Variants in KYAT1 observed in about 807,000 individuals in gnomAD.
KYAT1 encodes the protein kynurenine aminotransferase 1, also known as kynurenine--oxoglutarate transaminase 1.
In KYAT1, 47 loss-of-function variants were observed where a neutral mutation model predicts 52.4. That is an observed-to-expected ratio of 0.90 (90% confidence interval 0.71 to 1.14). The LOEUF (loss-of-function observed/expected upper bound fraction) is 1.14. Among genes scored for constraint, KYAT1 ranks in the 50% most tolerant of loss-of-function variants. The pLI, the probability that KYAT1 is intolerant of heterozygous loss-of-function variation, is 0.00. For missense variants in KYAT1, 480 were observed against 557.9 expected, an observed-to-expected ratio of 0.86 and a Z score of 1.41; for synonymous variants, 212 against 209.6, an observed-to-expected ratio of 1.01 and a Z score of -0.10.
At chr9:128,847,325 G>C in intron 1 of KYAT1, 1 of 687,884 alleles carries the variant, frequency 1.5e-6, no homozygotes, top group Non-Finnish European at 2.4e-6. Flanking sequence ...AGTTAAAGAG[G>C]GCTCCCTGAA....
Position 128,847,644 on chromosome 9 carries a change from CTAACAA to C in KYAT1, c.-6-2239_-6-2234del, listed in dbSNP as rs1173428539. 1.5e-4 allele frequency: 87 copies of C among 577,510 alleles called. No homozygotes were observed. The East Asian group carries it at 2.1e-3, about 14-fold the overall frequency. 35.8% of individuals were successfully genotyped at this position (577,510 alleles called of 1,614,324 possible). A position where few individuals can be genotyped will look rare whatever the true frequency, so the allele number is the denominator to read the frequency against. On this transcript the variant is annotated intron_variant, in intron 1 of 12. Coordinates refer to ENST00000302586, the MANE Select transcript of KYAT1 (RefSeq NM_004059.5). ...GGACTTGGGTCCCCCACACACAGCT[CTAACAA>C]TAACAACAACAACAACAACAACAAC...
At chr9:128,834,855 G>T (rs1367167752) in intron 11 of KYAT1, among the ~76,000 whole-genome samples, 1 of 80,600 alleles carries the variant, frequency 1.2e-5, no homozygotes, top group Non-Finnish European at 2.3e-5. Context: ...AAAAAAAAAA[G>T]GCCAGGAGCA....
At chr9:128,881,725 C>T (rs1838946815) in intron 1 of KYAT1, among the ~76,000 whole-genome samples, 172 bp downstream of exon 1, 1 of 152,188 alleles carries the variant, frequency 6.6e-6, no homozygotes, top group South Asian at 2.1e-4. Context: ...GCGAGCAGCA[C>T]GCGCAGTTGA....
chr9:128,837,712 G>C lies in KYAT1; in HGVS notation c.540C>G (p.Leu180=). 6.2e-7 allele frequency: 1 copy of C among 1,614,164 alleles called. No individual in the cohort carries two copies. The highest frequency in any genetic ancestry group is 1.1e-5 in the South Asian group (1 of 91,082). ...KFTSRTKALV[L]NTPNNPLGKV... is the part of the protein sequence containing the mutation. The stretch of plus-strand genomic sequence containing the variant: ...TGCCCAGGGGGTTGTTGGGGGTGTT[G>C]AGGACCAGGGCTTTGGTGCGTGATG... Residue 180 remains leucine, a synonymous_variant, in exon 6 of 13, where the codon CTC becomes CTG. Coordinates refer to ENST00000302586, the MANE Select transcript of KYAT1 (RefSeq NM_004059.5).
Position 128,836,932 on chromosome 9 carries a change from C to A in KYAT1, c.568-10G>T. The A allele has an allele frequency of 6.2e-7, 1 of 1,609,588 alleles. No individual in the cohort carries two copies. Among genetic ancestry groups the A allele is most frequent in the South Asian group, 1.1e-5 (1 of 90,808 alleles). On this transcript the variant is annotated splice_polypyrimidine_tract_variant and intron_variant, in intron 6 of 12. Coordinates refer to ENST00000302586, the MANE Select transcript of KYAT1 (RefSeq NM_004059.5). Reference sequence around the variant, plus strand: ...CTTCCCTGGAGAACACCTGCAGATGCCCAAGGAGAGCACAGACCTGCAGCT... The same window carrying A: ...CTTCCCTGGAGAACACCTGCAGATGACCAAGGAGAGCACAGACCTGCAGCT...
At chr9:128,875,898 G>C (rs1038288200) in intron 1 of KYAT1, among the ~76,000 whole-genome samples, 1 of 152,104 alleles carries the variant, frequency 6.6e-6, no homozygotes, top group African/African-American at 2.4e-5. Context: ...ATGACCCCTG[G>C]GCCCGTGGAA....
At chr9:128,838,653 A>G (rs1831571460) in intron 3 of KYAT1, among the ~76,000 whole-genome samples, 1 of 152,182 alleles carries the variant, frequency 6.6e-6, no homozygotes, top group African/African-American at 2.4e-5. Flanking sequence ...CACAATCTAT[A>G]TGGTCCCAGA....
At chr9:128,870,383 G>A (rs902843675) in intron 1 of KYAT1, among the ~76,000 whole-genome samples, 2 of 152,220 alleles carry the variant, frequency 1.3e-5, no homozygotes, top group African/African-American at 4.8e-5. Flanking sequence ...CGACATGGCT[G>A]ATGACTATAA....
At chr9:128,863,832 A>C (rs1332846614) in intron 1 of KYAT1, among the ~76,000 whole-genome samples, 1 of 152,122 alleles carries the variant, frequency 6.6e-6, no homozygotes, top group Non-Finnish European at 1.5e-5. Context: ...GGAGGGGACT[A>C]CGCCTCACTT....
chr9:128,877,887 G>A (rs919788996), intron 1 of KYAT1, among the ~76,000 whole-genome samples: 2 of 152,152 alleles, frequency 1.3e-5, no homozygotes, highest in Non-Finnish European at 2.9e-5. Flanking sequence ...TCTAGAGAAA[G>A]GGTACAGAAC....
chr9:128,865,342 TATATATATATATATATA>T (rs1836165632), intron 1 of KYAT1, among the ~76,000 whole-genome samples: 12 of 6,378 alleles, frequency 1.9e-3, no homozygotes, highest in South Asian at 5.7e-3. Flanking sequence ...TATATATATA[TATATATATATATATATA>T]TTTTTTTTTT....
chr9:128,872,691 C>T (rs1333814187), intron 1 of KYAT1, among the ~76,000 whole-genome samples: 1 of 151,444 alleles, frequency 6.6e-6, no homozygotes. Context: ...AGCTTGAACT[C>T]GGGAGGCGGA....
At chr9:128,843,702 T>G (rs2119129527) in intron 2 of KYAT1, among the ~76,000 whole-genome samples, 1 of 152,274 alleles carries the variant, frequency 6.6e-6, no homozygotes, top group South Asian at 2.1e-4. Flanking sequence ...CTTTGCATCA[T>G]CAACCCTGTG....
In KYAT1 at chr9:128,833,909, G is replaced by A. The variant is rs899928314; in HGVS notation, c.1123-83C>T. 1.2e-5 allele frequency: 13 copies of A among 1,064,524 alleles called. No individual in the cohort carries two copies. In the Admixed American group the frequency reaches 1.3e-4, roughly 11 times the overall value. The allele number at this position is 1,064,524 out of a possible 1,614,324, so 65.9% of individuals were successfully genotyped here. A position where few individuals can be genotyped will look rare whatever the true frequency, so the allele number is the denominator to read the frequency against. Reference sequence around the variant, plus strand: ...CCGGAGGGGACAGAGAGGTTCCCACGACCAGGCGGGGAAGGAGAGTTAGCT... The same window carrying A: ...CCGGAGGGGACAGAGAGGTTCCCACAACCAGGCGGGGAAGGAGAGTTAGCT... On this transcript the variant is annotated intron_variant, in intron 11 of 12. Coordinates refer to ENST00000302586, the MANE Select transcript of KYAT1 (RefSeq NM_004059.5).
At chr9:128,847,657 C>CAACAAA (rs1436483559) in intron 1 of KYAT1, 1 of 570,272 alleles carries the variant, frequency 1.8e-6, no homozygotes, top group African/African-American at 1.9e-5. Context: ...ACAATAACAA[C>CAACAAA]AACAACAACA....
intron 1 of KYAT1, among the ~76,000 whole-genome samples, chr9:128,865,075 A>G (rs1275758030): frequency 6.7e-6 from 1 of 149,270 alleles, no homozygotes; most frequent in Non-Finnish European, 1.5e-5. Context: ...AAAAATAATA[A>G]ATTATCTGGG....
chr9:128,838,936 T>TTGCTTTTA (rs1554804311), intron 3 of KYAT1, among the ~76,000 whole-genome samples: 2 of 143,450 alleles, frequency 1.4e-5, no homozygotes, highest in Non-Finnish European at 1.5e-5. Context: ...CGGGAGAGGC[T>TTGCTTTTA]TTTATTTATT....
At position 128,836,049 on chromosome 9, in the gene KYAT1, C is replaced by A; in HGVS notation, c.713G>T (p.Arg238Leu). 6.2e-7 allele frequency: 1 copy of A among 1,613,940 alleles called. No homozygotes were observed. The highest frequency in any genetic ancestry group is 8.5e-7 in the Non-Finnish European group (1 of 1,179,868). ...GCCGGCGCTGCCGATGGTCAGGGTCCGTTCCCACATGCCAGGGAGGCTGGC... is the reference window on the plus strand; with the variant it reads ...GCCGGCGCTGCCGATGGTCAGGGTCAGTTCCCACATGCCAGGGAGGCTGGC... Reference protein sequence around the residue: ...SIASLPGMWERTLTIGSAGKT... With the variant: ...SIASLPGMWELTLTIGSAGKT... The change falls in exon 8 of 13, where the codon CGG becomes CTG. Residue 238 changes from arginine (R) to leucine (L), a missense_variant. Arg to Leu is a moderately radical substitution (Grantham distance 102). Coordinates refer to ENST00000302586, the MANE Select transcript of KYAT1 (RefSeq NM_004059.5).
intron 1 of KYAT1, among the ~76,000 whole-genome samples, chr9:128,863,446 A>G (rs564767748): frequency 6.6e-6 from 1 of 151,988 alleles, no homozygotes; most frequent in African/African-American, 2.4e-5. Context: ...TAGCCTGGGC[A>G]ACATAACAAC....
Sources: allele counts gnomAD v4.1 joint callset (sites outside exome capture counted in the v4.1 genomes callset), GRCh38; gene constraint gnomAD v4.1.1; transcripts MANE v1.5; gene names NCBI Gene and HGNC (gene_info 2026-07-23, HGNC 2026-07-21).